CYP2J2: variants seen among roughly 807,000 people sequenced by gnomAD.
CYP2J2 encodes the protein cytochrome P450 2J2.
In CYP2J2, 41 loss-of-function variants were observed where a neutral mutation model predicts 48.8. That is an observed-to-expected ratio of 0.84 (90% confidence interval 0.66 to 1.09). CYP2J2 has a LOEUF of 1.09. Ranked by LOEUF, CYP2J2 falls within the 50% of genes least tolerant of loss-of-function variation. The probability of loss-of-function intolerance (pLI) is 0.00; values close to 1 mark genes in which losing one functional copy is unlikely to be tolerated. For synonymous variants in CYP2J2, 221 were observed against 227.1 expected, an observed-to-expected ratio of 0.97 and a Z score of 0.24; for missense variants, 644 against 617.3, an observed-to-expected ratio of 1.04 and a Z score of -0.46.
At chr1:59,923,490 T>C (rs918968436) in intron 1 of CYP2J2, among the ~76,000 whole-genome samples, 2 of 152,200 alleles carry the variant, frequency 1.3e-5, no homozygotes, top group Non-Finnish European at 2.9e-5. Context: ...ATGACACAGA[T>C]GTTAGAAATA....
At chr1:59,895,674 A>C (rs1175643119) in intron 8 of CYP2J2, among the ~76,000 whole-genome samples, 5 of 151,810 alleles carry the variant, frequency 3.3e-5, no homozygotes. Context: ...TTATACTTTA[A>C]GTTTTAGGGT....
rs749597933 is a variant in CYP2J2 at position 59,893,713 on chromosome 1, A to G, written c.1447T>C (p.Phe483Leu). The part of the protein sequence containing the change: ...PPNNEKLSLK[F>L]RMGITISPVS... ...GGGGAAATGGTGATACCCATTCTAA[A>G]CTTCAGGCTCAGCTTCTCATTGTTT... The change falls in exon 9 of 9, where the codon TTT becomes CTT. Residue 483 changes from phenylalanine (F) to leucine (L), a missense_variant. Phe to Leu is a conservative substitution (Grantham distance 22). Coordinates refer to ENST00000371204, the MANE Select transcript of CYP2J2 (RefSeq NM_000775.4). 6.2e-7 allele frequency: 1 copy of G among 1,613,488 alleles called. No homozygotes were observed. The highest frequency in any genetic ancestry group is 2.2e-5 in the East Asian group (1 of 44,878).
intron 1 of CYP2J2, 39 bp downstream of exon 1, chr1:59,926,498 T>G: frequency 3.2e-6 from 5 of 1,556,208 alleles, no homozygotes; most frequent in Non-Finnish European, 4.4e-6. Flanking sequence ...AGAACAGAGT[T>G]AGGGTCAGGA....
the CYP2J2 span, among the ~76,000 whole-genome samples, chr1:59,949,780 C>T: frequency 6.7e-6 from 1 of 150,352 alleles, no homozygotes; most frequent in South Asian, 2.1e-4. Flanking sequence ...TTTTTCCCTT[C>T]CTTTACAGAA....
At chr1:59,901,154 A>T (rs1265289813) in intron 7 of CYP2J2, 51 bp from the exon 8 acceptor site, 2 of 1,588,572 alleles carry the variant, frequency 1.3e-6, no homozygotes, top group Non-Finnish European at 1.7e-6. Context: ...GAAAAAGCAC[A>T]CCTATGCAGA....
chr1:59,925,235 A>T (rs1445449082), intron 1 of CYP2J2, among the ~76,000 whole-genome samples: 1 of 152,196 alleles, frequency 6.6e-6, no homozygotes, highest in Non-Finnish European at 1.5e-5. Flanking sequence ...TAATTGATAG[A>T]ATAAGTAGAT....
chr1:59,904,835 C>A, intron 7 of CYP2J2, 36 bp downstream of exon 7: 1 of 1,571,434 alleles, frequency 6.4e-7, no homozygotes, highest in East Asian at 2.3e-5. Context: ...AGTTTCTACC[C>A]CCCTAAAAGA....
chr1:59,948,511 T>G, the CYP2J2 span, among the ~76,000 whole-genome samples: 1 of 152,186 alleles, frequency 6.6e-6, no homozygotes, highest in African/African-American at 2.4e-5. Flanking sequence ...AAATAAAAAT[T>G]AAAAATTAAG....
intron 1 of CYP2J2, among the ~76,000 whole-genome samples, chr1:59,919,240 G>T (rs555916381): frequency 1.3e-5 from 2 of 152,142 alleles, no homozygotes; most frequent in Non-Finnish European, 2.9e-5. Flanking sequence ...TCTGGATGTT[G>T]TATTTTTAAA....
intron 6 of CYP2J2, 107 bp from the exon 7 acceptor site, chr1:59,905,165 A>G: frequency 8.8e-7 from 1 of 1,139,660 alleles, no homozygotes; most frequent in East Asian, 2.7e-5. Context: ...ATTAGTGACC[A>G]GGTTGCAAGA....
chr1:59,941,944 C>T, the CYP2J2 span, among the ~76,000 whole-genome samples: 2 of 151,984 alleles, frequency 1.3e-5, no homozygotes, highest in African/African-American at 4.8e-5. Context: ...AATTATAAAG[C>T]CTACAGTCAA....
intron 2 of CYP2J2, among the ~76,000 whole-genome samples, chr1:59,914,808 G>A (rs1372543233): frequency 6.6e-6 from 1 of 152,184 alleles, no homozygotes; most frequent in East Asian, 1.9e-4. Context: ...GTGCTGGGGA[G>A]GATTAATAAA....
the CYP2J2 span, among the ~76,000 whole-genome samples, chr1:59,935,015 C>CATAT: frequency 6.9e-3 from 327 of 47,460 alleles, 2 homozygotes; most frequent in East Asian, 0.014. Context: ...TATATATATA[C>CATAT]ATATATATAT....
At chr1:59,935,019 T>TATATATACAC in the CYP2J2 span, among the ~76,000 whole-genome samples, 4 of 41,934 alleles carry the variant, frequency 9.5e-5, no homozygotes, top group African/African-American at 4.1e-4. Context: ...TATATACATA[T>TATATATACAC]ATATATATAT....
At chr1:59,917,937 T>TCC (rs1644481185) in intron 1 of CYP2J2, among the ~76,000 whole-genome samples, 3 of 152,132 alleles carry the variant, frequency 2.0e-5, no homozygotes, top group Admixed American at 2.0e-4. Flanking sequence ...TTCCTAATGG[T>TCC]CCCCATCGGA....
chr1:59,942,189 G>C, the CYP2J2 span, among the ~76,000 whole-genome samples: 1 of 152,094 alleles, frequency 6.6e-6, no homozygotes, highest in Non-Finnish European at 1.5e-5. Context: ...GAATTATCCA[G>C]AAAAATAAAA....
the CYP2J2 span, among the ~76,000 whole-genome samples, chr1:59,958,603 G>A: frequency 6.9e-4 from 105 of 152,170 alleles, no homozygotes; most frequent in African/African-American, 2.4e-3. Context: ...AGTCACCATC[G>A]AGCTAGCTGT....
At chr1:59,900,150 G>T (rs766921612) in intron 8 of CYP2J2, among the ~76,000 whole-genome samples, 1 of 152,172 alleles carries the variant, frequency 6.6e-6, no homozygotes, top group Non-Finnish European at 1.5e-5. Flanking sequence ...AAAGGCCAAA[G>T]AACCTTTTCA....
chr1:59,928,181 C>A (rs1644584855), upstream of CYP2J2, among the ~76,000 whole-genome samples: 1 of 152,050 alleles, frequency 6.6e-6, no homozygotes, highest in Non-Finnish European at 1.5e-5. Flanking sequence ...TGTTATATCT[C>A]TCCTTCCTTT....
Sources: gnomAD v4.1 joint callset for allele counts (sites outside exome capture counted in the v4.1 genomes callset) on GRCh38, gnomAD v4.1.1 for gene constraint, MANE v1.5 for transcripts, NCBI Gene and HGNC (gene_info 2026-07-23, HGNC 2026-07-21) for gene names.